MSL2: variants seen among roughly 807,000 people sequenced by gnomAD.
MSL2 encodes E3 ubiquitin-protein ligase MSL2.
In MSL2, 2 loss-of-function variants were observed where a neutral mutation model predicts 35.8. That is an observed-to-expected ratio of 0.06 (90% CI 0.02 to 0.18). The LOEUF is 0.18. Ranked by LOEUF, MSL2 falls within the 10% of genes least tolerant of loss-of-function variation. The pLI, the probability that MSL2 is intolerant of heterozygous loss-of-function variation, is 1.00. For missense variants in MSL2, 523 were observed against 706.7 expected (o/e 0.74, Z 2.95); for synonymous variants, 296 against 255.7 (o/e 1.16, Z -1.50).
At chr3:136,173,505 G>A (rs1001202041) in intron 1 of MSL2, among the ~76,000 whole-genome samples, 1 of 152,010 alleles carries the variant, frequency 6.6e-6, no homozygotes, top group African/African-American at 2.4e-5. Flanking sequence ...AAACCACCCA[G>A]ACTCTTCACC....
Position 136,151,815 on chromosome 3 carries a change from G to C in MSL2, c.1066C>G (p.Pro356Ala). The change falls in exon 2 of 2, where the codon CCA becomes GCA. Residue 356 changes from proline to alanine, a missense_variant. By Grantham distance (27) the Pro-to-Ala change is conservative (BLOSUM62 -1). Transcript: ENST00000309993. The surrounding 1 kb of genome is among the most constrained non-coding windows in gnomAD (Gnocchi z 5.2). ...ESDSEKVQPL[P>A]ISTIIRGPTL... ...GGGCCTCGGATAATGGTAGAAATTG[G>C]AAGTGGCTGAACTTTCTCACTGTCA... The C allele has an allele frequency of 6.2e-7, 1 of 1,614,162 alleles. No individual in the cohort carries two copies. Among genetic ancestry groups the C allele is most frequent in the Non-Finnish European group, 8.5e-7 (1 of 1,180,042 alleles).
intron 1 of MSL2, among the ~76,000 whole-genome samples, chr3:136,177,059 G>A (rs756984624): frequency 6.6e-6 from 1 of 152,094 alleles, no homozygotes; most frequent in Non-Finnish European, 1.5e-5. Flanking sequence ...TTTTTATTGA[G>A]CAGCACTTAA....
At chr3:136,186,105 CCTCAA>C (rs1940515321) in intron 1 of MSL2, among the ~76,000 whole-genome samples, 1 of 152,188 alleles carries the variant, frequency 6.6e-6, no homozygotes, top group Non-Finnish European at 1.5e-5. Flanking sequence ...ACCTAGACTA[CCTCAA>C]CTCTTCAGGT....
chr3:136,186,945 A>G (rs1220686017), intron 1 of MSL2, among the ~76,000 whole-genome samples: 1 of 152,150 alleles, frequency 6.6e-6, no homozygotes, highest in Non-Finnish European at 1.5e-5. Flanking sequence ...CAATATAAAT[A>G]CTATGTAAGT....
At chr3:136,166,367 G>A (rs576119669) in intron 1 of MSL2, among the ~76,000 whole-genome samples, 2 of 151,752 alleles carry the variant, frequency 1.3e-5, no homozygotes, top group East Asian at 1.9e-4. Context: ...CAGCCTGGGC[G>A]ACAGAGCGAG....
rs1940804249 is a variant in MSL2, at chr3:136,195,303, G to A, written c.-190C>T. On this transcript the variant is annotated 5_prime_UTR_variant, in exon 1 of 2. Transcript: ENST00000309993. Reference sequence around the variant, plus strand: ...ACAATCCTCCCACACATGGGGCCTTGGCGCCCCTCCGTCCCTGAGACTTCC... The same window carrying A: ...ACAATCCTCCCACACATGGGGCCTTAGCGCCCCTCCGTCCCTGAGACTTCC... The A allele has an allele frequency of 1.4e-6, 2 of 1,396,842 alleles. No homozygotes were observed. The highest frequency in any genetic ancestry group is 1.5e-5 in the African/African-American group (1 of 67,912). The allele number at this position is 1,396,842 out of a possible 1,614,324, so 86.5% of individuals were successfully genotyped here.
intron 1 of MSL2, among the ~76,000 whole-genome samples, chr3:136,169,903 A>G (rs186444699): frequency 4.9e-4 from 75 of 151,802 alleles, no homozygotes; most frequent in Non-Finnish European, 3.2e-4. Context: ...CTAAAAATAA[A>G]AAAGTAGCCA....
At chr3:136,191,526 T>C (rs937124770) in intron 1 of MSL2, among the ~76,000 whole-genome samples, 1 of 149,846 alleles carries the variant, frequency 6.7e-6, no homozygotes, top group Admixed American at 6.6e-5. Flanking sequence ...ACACCTGTAA[T>C]GCCTGCACTT....
At chr3:136,194,911 C>T (rs1940793349) in intron 1 of MSL2, 61 bp downstream of exon 1, 3 of 1,608,632 alleles carry the variant, frequency 1.9e-6, no homozygotes, top group African/African-American at 2.7e-5. Context: ...GCTCACGTTA[C>T]CACTGCCCAG....
chr3:136,179,273 A>G (rs1940270944), intron 1 of MSL2, among the ~76,000 whole-genome samples: 1 of 151,852 alleles, frequency 6.6e-6, no homozygotes, highest in Non-Finnish European at 1.5e-5. Context: ...ACCAGCCTCA[A>G]CCTCCTGGGT....
intron 1 of MSL2, among the ~76,000 whole-genome samples, chr3:136,194,204 C>G (rs115894387): frequency 6.6e-6 from 1 of 151,620 alleles, no homozygotes; most frequent in Non-Finnish European, 1.5e-5. Context: ...TACACACGCA[C>G]AGTTAACATT....
At chr3:136,183,123 T>C (rs1408321035) in intron 1 of MSL2, among the ~76,000 whole-genome samples, 5 of 151,588 alleles carry the variant, frequency 3.3e-5, no homozygotes, top group Non-Finnish European at 2.9e-5. Flanking sequence ...TTTTACAAGG[T>C]AAAACTCACA....
At chr3:136,186,589 CTATTGTGAA>C (rs1940530824) in intron 1 of MSL2, among the ~76,000 whole-genome samples, 1 of 152,162 alleles carries the variant, frequency 6.6e-6, no homozygotes, top group Admixed American at 6.5e-5. Flanking sequence ...AGCACAAACA[CTATTGTGAA>C]TTGTGCAAGC....
chr3:136,163,996 T>C (rs1939774936), intron 1 of MSL2, among the ~76,000 whole-genome samples: 1 of 152,210 alleles, frequency 6.6e-6, no homozygotes, highest in South Asian at 2.1e-4. Context: ...CAGTTCTTTA[T>C]AGCAGTATGA....
chr3:136,167,218 G>T (rs892386749), intron 1 of MSL2, among the ~76,000 whole-genome samples: 19 of 151,866 alleles, frequency 1.3e-4, no homozygotes, highest in Admixed American at 6.6e-4. Flanking sequence ...AATTAAACAT[G>T]AACAACAAGA....
intron 1 of MSL2, among the ~76,000 whole-genome samples, chr3:136,164,429 AAACTT>A (rs1294647817): frequency 3.9e-5 from 6 of 152,222 alleles, no homozygotes; most frequent in South Asian, 2.1e-4. Context: ...CAAATATCTG[AAACTT>A]AACTATTAAA....
intron 1 of MSL2, among the ~76,000 whole-genome samples, chr3:136,183,064 G>A (rs1188420747): frequency 3.3e-5 from 5 of 152,088 alleles, no homozygotes; most frequent in Admixed American, 6.6e-5. Context: ...ATCCCAGAAC[G>A]AAGCTCAAGA....
chr3:136,163,875 G>C (rs1462347528), intron 1 of MSL2, among the ~76,000 whole-genome samples: 1 of 152,186 alleles, frequency 6.6e-6, no homozygotes, highest in African/African-American at 2.4e-5. Context: ...AAGGTGCCCT[G>C]CTTCCCCTCT....
chr3:136,195,933 C>T lies in MSL2; in HGVS notation c.-820G>A, dbSNP rs896562711. On this transcript the variant is annotated 5_prime_UTR_variant, in exon 1 of 2. Coordinates refer to ENST00000309993, the MANE Select transcript of MSL2 (RefSeq NM_018133.4). ...CCCCTCGCGCCTCAGTCGCACACTC[C>T]GGGGTCACCAGACTCAAGCGCCGCC... 1.8e-6 allele frequency: 1 copy of T among 552,866 alleles called. No individual in the cohort carries two copies. The highest frequency in any genetic ancestry group is 2.3e-6 in the Non-Finnish European group (1 of 436,140). The allele number at this position is 552,866 out of a possible 1,614,324, so 34.2% of individuals were successfully genotyped here.
Sources: allele counts gnomAD v4.1 joint callset (sites outside exome capture counted in the v4.1 genomes callset), GRCh38; gene constraint gnomAD v4.1.1; non-coding constraint Gnocchi (gnomAD v3.1); transcripts MANE v1.5; gene names NCBI Gene and HGNC (gene_info 2026-07-23, HGNC 2026-07-21).